The following SDR42E1 variants were observed in gnomAD, a reference collection of about 807,000 sequenced individuals.
SDR42E1 encodes short-chain dehydrogenase/reductase family 42E member 1.
A neutral mutation model predicts 2.6 loss-of-function variants in SDR42E1; 5 were observed. That is an observed-to-expected ratio of 1.94 (90% confidence interval 1.01 to 4.08). The LOEUF (loss-of-function observed/expected upper bound fraction) is 4.08, where lower values mean the gene tolerates loss of function less well. Ranked by LOEUF, SDR42E1 falls within the 30% of genes most tolerant of loss-of-function variation. The pLI, the probability that SDR42E1 is intolerant of heterozygous loss-of-function variation, is 0.00. For missense variants in SDR42E1, 596 were observed against 478.6 expected (o/e 1.25, Z -2.29); for synonymous variants, 231 against 188.3 (o/e 1.23, Z -1.86).
At position 81,999,810 on chromosome 16, in the gene SDR42E1, C is replaced by T. The variant is rs1461350893; in HGVS notation, c.483G>A (p.Gln161=). ...GTGTAGCATTCGCCTCCAGCACCTT[C>T]TGCTCTGCAATTGACTTTGTCCGAG... ...HYSRTKSIAE[Q]KVLEANATPL... Residue 161 remains glutamine (Q), a synonymous_variant, in exon 3 of 3, where the codon CAG becomes CAA. Coordinates refer to ENST00000328945, the MANE Select transcript of SDR42E1 (RefSeq NM_145168.3). 3 of 1,614,232 alleles carry T rather than the reference C, an allele frequency of 1.9e-6. No homozygotes were observed. The South Asian group carries it at 3.3e-5, about 18-fold the overall frequency.
intron 1 of SDR42E1, among the ~76,000 whole-genome samples, chr16:82,004,067 AC>A (rs1253817060): frequency 2.6e-5 from 4 of 152,376 alleles, no homozygotes; most frequent in African/African-American, 7.2e-5. Flanking sequence ...CCCAAACGAG[AC>A]AGAGGTCCTG....
chr16:82,004,323 G>C lies in SDR42E1; in HGVS notation c.-26-3439C>G, dbSNP rs191811691. On this transcript the variant is annotated intron_variant, in intron 1 of 2. Transcript: ENST00000328945. Reference sequence around the variant, plus strand: ...GCTGAAAGGAGGGTTATCACAGGTGGGGGTGCACCACGAATAAATGGATCA... The same window carrying C: ...GCTGAAAGGAGGGTTATCACAGGTGCGGGTGCACCACGAATAAATGGATCA... 4.9e-3 allele frequency among the ~76,000 whole-genome samples: 740 copies of C among 152,188 alleles called. 5 individuals carry two copies. The highest frequency in any genetic ancestry group is 0.017 in the African/African-American group (707 of 41,524).
In SDR42E1 at chr16:81,999,942, C is replaced by T. The variant is rs188668118; in HGVS notation, c.351G>A (p.Arg117=). 1.2e-6 allele frequency: 2 copies of T among 1,614,076 alleles called. No homozygotes were observed. Among genetic ancestry groups the T allele is most frequent in the Admixed American group, 1.7e-5 (1 of 60,004 alleles). ...CATTGAAAGTGCTGGTGTAAACTAACCTGGGCACCCTTCTCCTTTGGCAAA... is the reference window on the plus strand; with the variant it reads ...CATTGAAAGTGCTGGTGTAAACTAATCTGGGCACCCTTCTCCTTTGGCAAA... ...LQVCQRRRVP[R]LVYTSTFNVI... is the part of the protein sequence containing the mutation. The change falls in exon 3 of 3, where the codon AGG becomes AGA. Residue 117 remains arginine, a synonymous_variant. Coordinates refer to ENST00000328945, the MANE Select transcript of SDR42E1 (RefSeq NM_145168.3).
At position 81,999,836 on chromosome 16, in the gene SDR42E1, A is replaced by G; in HGVS notation, c.457T>C (p.Ser153Pro). Residue 153 changes from serine to proline, a missense_variant, in exon 3 of 3, where the codon TCT becomes CCT. Coordinates refer to ENST00000328945, the MANE Select transcript of SDR42E1 (RefSeq NM_145168.3). ...LPLHLHPDHY[S>P]RTKSIAEQKV... ...TGCTCTGCAATTGACTTTGTCCGAG[A>G]GTAGTGATCAGGGTGGAGGTGAAGA... 1 of 1,614,162 alleles carries G rather than the reference A, an allele frequency of 6.2e-7. No individual in the cohort carries two copies. The highest frequency in any genetic ancestry group is 1.3e-5 in the African/African-American group (1 of 75,016).
intron 1 of SDR42E1, among the ~76,000 whole-genome samples, chr16:82,003,386 A>G (rs911199688): frequency 6.6e-6 from 1 of 152,182 alleles, no homozygotes; most frequent in Non-Finnish European, 1.5e-5. Flanking sequence ...TGTACTCACA[A>G]CCCTTCATGA....
At position 81,998,280 on chromosome 16, in the gene SDR42E1, T is replaced by A. The variant is rs1049903075; in HGVS notation, c.*831A>T. 9 of 152,232 alleles carry A rather than the reference T, an allele frequency of 5.9e-5. No homozygotes were observed. Among genetic ancestry groups the A allele is most frequent in the African/African-American group, 1.9e-4 (8 of 41,456 alleles). The allele number at this position is 152,232 out of a possible 1,614,324, so 9.4% of individuals were successfully genotyped here. A position where few individuals can be genotyped will look rare whatever the true frequency, so the allele number is the denominator to read the frequency against. ...TTTTAGTTGCTTCATTGTGGCCTTC[T>A]TAGAGGCCTAAACTTTACAAATAGA... On this transcript the variant is annotated 3_prime_UTR_variant, in exon 3 of 3. Coordinates refer to ENST00000328945, the MANE Select transcript of SDR42E1 (RefSeq NM_145168.3).
chr16:81,998,751 G>C lies in SDR42E1; in HGVS notation c.*360C>G. 4.6e-6 allele frequency: 1 copy of C among 217,322 alleles called. No individual in the cohort carries two copies. Among genetic ancestry groups the C allele is most frequent in the Non-Finnish European group, 9.1e-6 (1 of 110,158 alleles). 13.5% of individuals were successfully genotyped at this position (217,322 alleles called of 1,614,324 possible). On this transcript the variant is annotated 3_prime_UTR_variant, in exon 3 of 3. Coordinates refer to ENST00000328945, the MANE Select transcript of SDR42E1 (RefSeq NM_145168.3). The stretch of plus-strand genomic sequence containing the variant: ...ATTCCCACATCAGTCAGAGGTTTTA[G>C]GTAGATGCAGACTGCATAAAATGGA...
intron 2 of SDR42E1, chr16:82,000,433 G>C: frequency 1.4e-6 from 1 of 712,496 alleles, no homozygotes; most frequent in Non-Finnish European, 2.5e-6. Flanking sequence ...ATTACAAAGA[G>C]AGAGGCCTTA....
intron 1 of SDR42E1, among the ~76,000 whole-genome samples, chr16:82,004,783 G>C (rs1912881983): frequency 6.6e-6 from 1 of 152,202 alleles, no homozygotes; most frequent in South Asian, 2.1e-4. Context: ...AATGGGCCAG[G>C]GTCCAGGTAA....
chr16:82,007,045 A>G (rs1355867901), intron 1 of SDR42E1, among the ~76,000 whole-genome samples: 2 of 152,346 alleles, frequency 1.3e-5, no homozygotes, highest in East Asian at 3.9e-4. Context: ...ATTCCTCACA[A>G]TGCTGATGAC....
rs1912448983 is a variant in SDR42E1, at chr16:81,992,449, T to C, written c.*6662A>G. 1 of 152,098 alleles carries C rather than the reference T, an allele frequency of 6.6e-6. No individual in the cohort carries two copies. The highest frequency in any genetic ancestry group is 2.1e-4 in the South Asian group (1 of 4,824). The allele number at this position is 152,098 out of a possible 1,614,324, so 9.4% of individuals were successfully genotyped here. A position where few individuals can be genotyped will look rare whatever the true frequency, so the allele number is the denominator to read the frequency against. The stretch of plus-strand genomic sequence containing the variant: ...ATTATTATCTATTCAGGACACTAAC[T>C]CCTAGTGACTGTTAAGAGCAAAAGA... On this transcript the variant is annotated 3_prime_UTR_variant, in exon 3 of 3. Transcript: ENST00000328945.
At chr16:82,008,920 C>A (rs1379139150) in intron 1 of SDR42E1, among the ~76,000 whole-genome samples, 1 of 152,166 alleles carries the variant, frequency 6.6e-6, no homozygotes, top group Non-Finnish European at 1.5e-5. Context: ...GGTCCAGGGT[C>A]CCCCTGCTCT....
At position 81,993,296 on chromosome 16, in the gene SDR42E1, C is replaced by A. The variant is rs986796005; in HGVS notation, c.*5815G>T. The A allele has an allele frequency of 6.6e-6, 1 of 152,300 alleles. No homozygotes were observed. The highest frequency in any genetic ancestry group is 6.5e-5 in the Admixed American group (1 of 15,302). 9.4% of individuals were successfully genotyped at this position (152,300 alleles called of 1,614,324 possible). On this transcript the variant is annotated 3_prime_UTR_variant, in exon 3 of 3. Coordinates refer to ENST00000328945, the MANE Select transcript of SDR42E1 (RefSeq NM_145168.3). The stretch of plus-strand genomic sequence containing the variant: ...GGAGCCAGTGTTTAGTATCTGGCAC[C>A]AGTGCTCACCTCCTTGTTGAAAGAT...
chr16:82,001,438 G>T (rs945892071), intron 1 of SDR42E1, among the ~76,000 whole-genome samples: 56 of 151,938 alleles, frequency 3.7e-4, no homozygotes, highest in African/African-American at 1.3e-3. Flanking sequence ...CTCCCCCACC[G>T]CAAATCTTGC....
rs760189194 is a variant in SDR42E1, at chr16:81,996,880, G to A, written c.*2231C>T. 6.6e-6 allele frequency: 1 copy of A among 151,898 alleles called. No homozygotes were observed. The allele number at this position is 151,898 out of a possible 1,614,324, so 9.4% of individuals were successfully genotyped here. A position where few individuals can be genotyped will look rare whatever the true frequency, so the allele number is the denominator to read the frequency against. ...TGTAGTCTCCTCCCACACTGAATAC[G>A]GCTAACCTGTGTAAACACCCGAGAC... On this transcript the variant is annotated 3_prime_UTR_variant, in exon 3 of 3. Transcript: ENST00000328945.
intron 1 of SDR42E1, among the ~76,000 whole-genome samples, chr16:82,004,895 C>A (rs1235196878): frequency 5.9e-5 from 9 of 152,198 alleles, no homozygotes; most frequent in Admixed American, 5.9e-4. Flanking sequence ...CAGGAGGTGG[C>A]AGCGTGCTGC....
rs1912541313 is a variant in SDR42E1, at chr16:81,996,340, A to C, written c.*2771T>G. ...ATACCTTGGGCAGTTTTAAGGCATGATTACAAGTAAAAATCAACTGGCTTA... is the reference window on the plus strand; with the variant it reads ...ATACCTTGGGCAGTTTTAAGGCATGCTTACAAGTAAAAATCAACTGGCTTA... On this transcript the variant is annotated 3_prime_UTR_variant, in exon 3 of 3. Coordinates refer to ENST00000328945, the MANE Select transcript of SDR42E1 (RefSeq NM_145168.3). 6.6e-6 allele frequency: 1 copy of C among 152,210 alleles called. No homozygotes were observed. Among genetic ancestry groups the C allele is most frequent in the African/African-American group, 2.4e-5 (1 of 41,444 alleles). The allele number at this position is 152,210 out of a possible 1,614,324, so 9.4% of individuals were successfully genotyped here.
intron 1 of SDR42E1, among the ~76,000 whole-genome samples, chr16:82,007,247 G>C (rs758284229): frequency 8.5e-5 from 13 of 152,164 alleles, no homozygotes; most frequent in Non-Finnish European, 2.9e-5. Flanking sequence ...TATCTGCAAG[G>C]AGTACTACAC....
At chr16:82,002,197 G>A (rs868325513) in intron 1 of SDR42E1, among the ~76,000 whole-genome samples, 5 of 152,292 alleles carry the variant, frequency 3.3e-5, no homozygotes, top group Middle Eastern at 3.4e-3. Context: ...GCAGGATGAA[G>A]AGCTTGTATG....
Sources: allele counts gnomAD v4.1 joint callset (sites outside exome capture counted in the v4.1 genomes callset), GRCh38; gene constraint gnomAD v4.1.1; transcripts MANE v1.5; gene names NCBI Gene and HGNC (gene_info 2026-07-23, HGNC 2026-07-21).